The following NDUFA10 variants were observed in gnomAD, a reference collection of about 807,000 sequenced individuals.
NDUFA10 encodes NADH:ubiquinone oxidoreductase subunit A10, also known as NADH dehydrogenase [ubiquinone] 1 alpha subcomplex subunit 10, mitochondrial.
Under a neutral mutation model 47.8 loss-of-function variants are expected in NDUFA10, and 40 were observed. The observed-to-expected ratio is 0.84, with a 90% CI of 0.65 to 1.09. The LOEUF (loss-of-function observed/expected upper bound fraction) is 1.09, where lower values mean the gene tolerates loss of function less well. NDUFA10 is among the 50% of genes least tolerant of loss of function. NDUFA10 has a pLI of 0.00. For synonymous variants in NDUFA10, 183 were observed against 172.2 expected (o/e 1.06, Z -0.49); for missense variants, 413 against 451.1 (o/e 0.92, Z 0.76).
At chr2:239,962,209 G>GTACACA (rs1694880782) in intron 9 of NDUFA10, among the ~76,000 whole-genome samples, 1 of 105,136 alleles carries the variant, frequency 9.5e-6, no homozygotes, top group Non-Finnish European at 2.0e-5. Context: ...GTCAATTTGT[G>GTACACA]TACACACACA....
At chr2:239,898,899 AGGAGGGGAGTGATGGAAGGTTGTGAT>A (rs905102433) in intron 4 of NDUFA10, among the ~76,000 whole-genome samples, 2 of 151,306 alleles carry the variant, frequency 1.3e-5, no homozygotes, top group African/African-American at 4.9e-5. Flanking sequence ...AGGGGTGTGA[AGGAGGGGAGTGATGGAAGGTTGTGAT>A]GGAGGGGTGT....
At chr2:239,949,492 T>G (rs931277635) in intron 4 of NDUFA10, among the ~76,000 whole-genome samples, 1 of 152,146 alleles carries the variant, frequency 6.6e-6, no homozygotes, top group East Asian at 1.9e-4. Context: ...AAGAAAGAAT[T>G]CCCACTCTCT....
chr2:239,991,927 T>G (rs1399230621), intron 8 of NDUFA10, among the ~76,000 whole-genome samples: 1 of 152,214 alleles, frequency 6.6e-6, no homozygotes, highest in Admixed American at 6.5e-5. Context: ...CAACATTACA[T>G]GTAGTCCCGG....
At chr2:239,901,763 G>C (rs1414148104) in intron 4 of NDUFA10, among the ~76,000 whole-genome samples, 3 of 151,540 alleles carry the variant, frequency 2.0e-5, no homozygotes, top group Non-Finnish European at 4.4e-5. Flanking sequence ...GAACATTTTT[G>C]ATTCATGGGA....
At chr2:239,932,310 C>T (rs1574787255) in intron 4 of NDUFA10, among the ~76,000 whole-genome samples, 2 of 152,130 alleles carry the variant, frequency 1.3e-5, no homozygotes, top group South Asian at 2.1e-4. Flanking sequence ...TGTGCTTGGC[C>T]GAAACTGTTG....
intron 8 of NDUFA10, among the ~76,000 whole-genome samples, chr2:239,993,928 C>A (rs569544662): frequency 3.3e-5 from 5 of 152,178 alleles, no homozygotes; most frequent in Non-Finnish European, 5.9e-5. Context: ...GGGCACAGGA[C>A]CACACAGAGG....
chr2:239,999,239 G>A (rs1285920094), intron 8 of NDUFA10, among the ~76,000 whole-genome samples: 1 of 152,182 alleles, frequency 6.6e-6, no homozygotes, highest in Non-Finnish European at 1.5e-5. Flanking sequence ...GTTTCACGTA[G>A]GGATGCACGT....
intron 4 of NDUFA10, among the ~76,000 whole-genome samples, chr2:239,911,339 A>T (rs565744603): frequency 1.3e-5 from 2 of 151,960 alleles, no homozygotes; most frequent in Non-Finnish European, 2.9e-5. Flanking sequence ...CTTTTCCAGC[A>T]GGCTCCCCTT....
intron 2 of NDUFA10, 82 bp downstream of exon 2, chr2:240,022,090 A>G: frequency 1.6e-6 from 2 of 1,215,730 alleles, no homozygotes; most frequent in East Asian, 5.4e-5. Context: ...ATTATTTAAT[A>G]TTAATATTGA....
intron 4 of NDUFA10, 135 bp from the exon 5 acceptor site, chr2:240,014,995 G>A (rs1437073296): frequency 1.3e-5 from 17 of 1,322,172 alleles, no homozygotes; most frequent in South Asian, 3.8e-5. Context: ...ACCCTATCTC[G>A]GTCACAGTTC....
chr2:239,960,680 G>C lies in NDUFA10; in HGVS notation c.*438C>G, dbSNP rs13396556. On this transcript the variant is annotated 3_prime_UTR_variant, in exon 10 of 10. Coordinates refer to ENST00000252711, the MANE Select transcript of NDUFA10 (RefSeq NM_004544.4). ...CACACCAAACAGGGCCCAGAGCAGC[G>C]TGTGTGCACGTGTGCAGTTTCGACG... 4.5e-6 allele frequency: 5 copies of C among 1,120,830 alleles called. No individual in the cohort carries two copies. The East Asian group carries it at 3.1e-4, about 69-fold the overall frequency. 69.4% of individuals were successfully genotyped at this position (1,120,830 alleles called of 1,614,324 possible). A position where few individuals can be genotyped will look rare whatever the true frequency, so the allele number is the denominator to read the frequency against.
downstream of NDUFA10, among the ~76,000 whole-genome samples, chr2:239,956,451 A>G (rs576820568): frequency 7.2e-5 from 11 of 152,308 alleles, no homozygotes; most frequent in African/African-American, 2.6e-4. Flanking sequence ...CGTCTAAAAC[A>G]GCAAGATTCC....
At chr2:239,905,842 G>A (rs1287252043) in intron 4 of NDUFA10, among the ~76,000 whole-genome samples, 3 of 134,996 alleles carry the variant, frequency 2.2e-5, no homozygotes, top group Non-Finnish European at 4.9e-5. Context: ...GAGGGGAGGG[G>A]AGGGGAGGGG....
chr2:239,986,743 T>C (rs1198676899), intron 9 of NDUFA10, among the ~76,000 whole-genome samples: 2 of 152,134 alleles, frequency 1.3e-5, no homozygotes, highest in African/African-American at 2.4e-5. Context: ...AGAAAATCAA[T>C]GGATGCTAAA....
chr2:239,897,719 C>A (rs1166751068), intron 4 of NDUFA10, among the ~76,000 whole-genome samples: 1 of 152,166 alleles, frequency 6.6e-6, no homozygotes, highest in Non-Finnish European at 1.5e-5. Context: ...ACTGCCTGTC[C>A]CCAGGCCTAA....
intron 5 of NDUFA10, chr2:240,013,062 C>G (rs1176137127): frequency 1.3e-5 from 2 of 152,192 alleles, no homozygotes; most frequent in African/African-American, 4.8e-5. Flanking sequence ...GTAATATAAG[C>G]CCATAACATG....
rs763403321 is a variant in NDUFA10, at chr2:240,016,443, C to T, written c.548-1583G>A. 6.6e-6 allele frequency among the ~76,000 whole-genome samples: 1 copy of T among 152,190 alleles called. No homozygotes were observed. Among genetic ancestry groups the T allele is most frequent in the Non-Finnish European group, 1.5e-5 (1 of 68,034 alleles). On this transcript the variant is annotated intron_variant, in intron 4 of 9. Transcript: ENST00000252711. The surrounding 1 kb of genome is among the most constrained non-coding windows in gnomAD (Gnocchi z 4.4). The stretch of plus-strand genomic sequence containing the variant: ...CAGGTGGTCCCCACCTTGCTCTATG[C>T]CACCTGTCCTTTAGCCAACATGATC...
intron 9 of NDUFA10, among the ~76,000 whole-genome samples, chr2:239,968,290 A>C (rs963829600): frequency 6.6e-6 from 1 of 152,190 alleles, no homozygotes; most frequent in African/African-American, 2.4e-5. Context: ...GAGGCAGCAA[A>C]TGCACGCAAT....
rs1697367890 is a variant in NDUFA10 at position 240,016,818 on chromosome 2, A to G, written c.547+1735T>C. ...AGTCCTCAGACTTCAGCAGACACTCAGCAGATGCCGACAGGTATCTCCTGC... is the reference window on the plus strand; with the variant it reads ...AGTCCTCAGACTTCAGCAGACACTCGGCAGATGCCGACAGGTATCTCCTGC... On this transcript the variant is annotated intron_variant, in intron 4 of 9. Coordinates refer to ENST00000252711, the MANE Select transcript of NDUFA10 (RefSeq NM_004544.4). This position sits in a 1 kb window ranked among gnomAD's most constrained non-coding sequence, Gnocchi z 4.4. 6.6e-6 allele frequency among the ~76,000 whole-genome samples: 1 copy of G among 152,140 alleles called. No homozygotes were observed. The highest frequency in any genetic ancestry group is 6.5e-5 in the Admixed American group (1 of 15,286).
Sources: gnomAD v4.1 joint callset for allele counts (sites outside exome capture counted in the v4.1 genomes callset) on GRCh38, gnomAD v4.1.1 for gene constraint, Gnocchi (gnomAD v3.1) non-coding constraint, MANE v1.5 for transcripts, NCBI Gene and HGNC (gene_info 2026-07-23, HGNC 2026-07-21) for gene names.